The following IL1RL1 variants were observed in gnomAD, a reference collection of about 807,000 sequenced individuals.
IL1RL1 encodes the protein interleukin-1 receptor-like 1.
In IL1RL1, 32 loss-of-function variants were observed where a neutral mutation model predicts 50.9. That is an observed-to-expected ratio of 0.63 (90% CI 0.47 to 0.84). IL1RL1 has a LOEUF of 0.84. IL1RL1 is among the 40% of genes least tolerant of loss of function. The probability of loss-of-function intolerance (pLI) is 0.00; values close to 1 mark genes in which losing one functional copy is unlikely to be tolerated. For synonymous variants in IL1RL1, 275 were observed against 236.0 expected, an observed-to-expected ratio of 1.17 and a Z score of -1.51; for missense variants, 773 against 662.9, an observed-to-expected ratio of 1.17 and a Z score of -1.82.
Position 102,313,667 on chromosome 2 carries a change from C to T in IL1RL1, c.-150+2044C>T, listed in dbSNP as rs73944273. Among the ~76,000 whole-genome samples the T allele has an allele frequency of 7.6e-3, 1,156 of 152,314 alleles. 12 individuals are homozygous for T. The highest frequency in any genetic ancestry group is 0.025 in the African/African-American group (1,040 of 41,550). On this transcript the variant is annotated intron_variant, in intron 1 of 10. Coordinates refer to ENST00000233954, the MANE Select transcript of IL1RL1 (RefSeq NM_016232.5). ...GGTTTTCTGGGAGTGCAGAGGCAGA[C>T]AACTGCAAGGGAGAGCCCCGCAAGG... is the stretch of plus-strand genomic sequence containing the variant.
intron 5 of IL1RL1, among the ~76,000 whole-genome samples, chr2:102,341,997 G>T (rs760156490): frequency 6.6e-6 from 1 of 151,752 alleles, no homozygotes; most frequent in Non-Finnish European, 1.5e-5. Flanking sequence ...TGATATTAAA[G>T]AGCATCATAG....
At chr2:102,333,677 C>T (rs1677233338) in intron 1 of IL1RL1, among the ~76,000 whole-genome samples, 2 of 152,196 alleles carry the variant, frequency 1.3e-5, no homozygotes, top group South Asian at 4.1e-4. Flanking sequence ...CTGGTGGGGA[C>T]TGGTCTTACC....
At chr2:102,342,925 C>T (rs1573156478) in intron 6 of IL1RL1, 111 bp from the exon 7 acceptor site, 1 of 987,340 alleles carries the variant, frequency 1.0e-6, no homozygotes, top group Admixed American at 2.2e-5. Flanking sequence ...GAGGGAGGTC[C>T]TGGTGGGGTG....
chr2:102,346,443 A>T (rs565313565), intron 8 of IL1RL1, among the ~76,000 whole-genome samples: 4 of 152,342 alleles, frequency 2.6e-5, no homozygotes, highest in African/African-American at 9.6e-5. Context: ...TTTTGTCATC[A>T]CATACCTGAA....
rs1559609450 is a variant in IL1RL1, at chr2:102,351,845, G to A, written c.1595G>A (p.Arg532Lys). 6.2e-7 allele frequency: 1 copy of A among 1,613,954 alleles called. No homozygotes were observed. Among genetic ancestry groups the A allele is most frequent in the African/African-American group, 1.3e-5 (1 of 75,034 alleles). The stretch of plus-strand genomic sequence containing the variant: ...AATTCTAAATTCTGGAAGCACGTGA[G>A]GTACCAAATGCCTGTGCCAAGCAAA... Reference protein sequence around the residue: ...SLNSKFWKHVRYQMPVPSKIP... With the variant: ...SLNSKFWKHVKYQMPVPSKIP... The change falls in exon 11 of 11, where the codon AGG becomes AAG. Residue 532 changes from arginine (R) to lysine (K), a missense_variant. By Grantham distance (26) the Arg-to-Lys change is conservative. Coordinates refer to ENST00000233954, the MANE Select transcript of IL1RL1 (RefSeq NM_016232.5).
At position 102,351,648 on chromosome 2, in the gene IL1RL1, G is replaced by T; in HGVS notation, c.1398G>T (p.Leu466=). 1 of 1,614,130 alleles carries T rather than the reference G, an allele frequency of 6.2e-7. No individual in the cohort carries two copies. The highest frequency in any genetic ancestry group is 8.5e-7 in the Non-Finnish European group (1 of 1,180,028). ...KEFAYEQEVA[L]HCALIQNDAK... is the part of the protein sequence containing the mutation. ...TTGCCTACGAGCAGGAGGTTGCCCT[G>T]CACTGTGCCCTCATCCAGAACGACG... Residue 466 remains leucine, a synonymous_variant, in exon 11 of 11, where the codon CTG becomes CTT. Transcript: ENST00000233954.
rs149593692 is a variant in IL1RL1, at chr2:102,351,806, A to G, written c.1556A>G (p.Asn519Ser). Residue 519 changes from asparagine (N) to serine (S), a missense_variant, in exon 11 of 11, where the codon AAT becomes AGT. Asn to Ser is a conservative substitution (Grantham distance 46, BLOSUM62 1). Transcript: ENST00000233954. ...AAGTGGAGGGAGGACCACATTGCCA[A>G]TAAAAGGTCCCTGAATTCTAAATTC... ...TIKWREDHIA[N>S]KRSLNSKFWK... 6.2e-7 allele frequency: 1 copy of G among 1,613,976 alleles called. No individual in the cohort carries two copies. Among genetic ancestry groups the G allele is most frequent in the Non-Finnish European group, 8.5e-7 (1 of 1,180,002 alleles).
At chr2:102,323,850 C>G (rs1261300690) in intron 1 of IL1RL1, among the ~76,000 whole-genome samples, 1 of 152,182 alleles carries the variant, frequency 6.6e-6, no homozygotes, top group Non-Finnish European at 1.5e-5. Flanking sequence ...ACAAATCTCT[C>G]TCATACTCCT....
In IL1RL1 at chr2:102,340,839, G is replaced by T; in HGVS notation, c.610+11G>T. The T allele has an allele frequency of 1.3e-6, 2 of 1,553,620 alleles. No homozygotes were observed. The highest frequency in any genetic ancestry group is 2.4e-5 in the South Asian group (2 of 82,016). ...CCTTCACGGTCAAGGGTAAGCTACTGACATTAATGAGATAGAATACTACGT... is the reference window on the plus strand; with the variant it reads ...CCTTCACGGTCAAGGGTAAGCTACTTACATTAATGAGATAGAATACTACGT... On this transcript the variant is annotated intron_variant, in intron 5 of 10. Coordinates refer to ENST00000233954, the MANE Select transcript of IL1RL1 (RefSeq NM_016232.5).
chr2:102,343,548 G>A (rs1559605691), intron 8 of IL1RL1, 133 bp downstream of exon 8: 2 of 1,563,034 alleles, frequency 1.3e-6, no homozygotes, highest in South Asian at 2.4e-5. Flanking sequence ...CTCTTCTTCG[G>A]GATGTTGTTT....
In IL1RL1 at chr2:102,311,609, T is replaced by C. The variant is rs1471511046; in HGVS notation, c.-164T>C. The C allele has an allele frequency of 8.6e-5, 13 of 150,780 alleles. No individual in the cohort carries two copies. 9.3% of individuals were successfully genotyped at this position (150,780 alleles called of 1,614,324 possible). ...AAAGTTGAGGAAGAAAGAACTCAAG[T>C]ACAACCCAATGAGGGTAAGTGGCTT... On this transcript the variant is annotated 5_prime_UTR_variant, in exon 1 of 11. Coordinates refer to ENST00000233954, the MANE Select transcript of IL1RL1 (RefSeq NM_016232.5).
At chr2:102,345,382 G>A (rs1006294398) in intron 8 of IL1RL1, 21 of 985,120 alleles carry the variant, frequency 2.1e-5, no homozygotes, top group South Asian at 1.9e-4. Flanking sequence ...ATTGTATCCC[G>A]TATAAAAGGA....
chr2:102,317,825 G>A (rs890440720), intron 1 of IL1RL1, among the ~76,000 whole-genome samples: 2 of 152,020 alleles, frequency 1.3e-5, no homozygotes, highest in Admixed American at 1.3e-4. Context: ...TCAAAGGGTG[G>A]GAGAGGATAG....
At chr2:102,335,268 T>G (rs1023550203) in intron 1 of IL1RL1, among the ~76,000 whole-genome samples, 4 of 152,194 alleles carry the variant, frequency 2.6e-5, no homozygotes, top group African/African-American at 9.7e-5. Flanking sequence ...TTAGTTCTTT[T>G]CAAAGAAGAA....
chr2:102,327,997 G>A (rs1357089754), intron 1 of IL1RL1, among the ~76,000 whole-genome samples: 3 of 152,018 alleles, frequency 2.0e-5, no homozygotes, highest in African/African-American at 4.8e-5. Flanking sequence ...CCTCCCTAAC[G>A]CATTTTATGA....
intron 1 of IL1RL1, among the ~76,000 whole-genome samples, chr2:102,321,528 C>A (rs751673603): frequency 4.6e-5 from 7 of 152,162 alleles, no homozygotes; most frequent in Non-Finnish European, 1.0e-4. Flanking sequence ...GATGTTAGAA[C>A]ACTGACATCC....
intron 1 of IL1RL1, among the ~76,000 whole-genome samples, chr2:102,326,807 T>C (rs1311576628): frequency 1.3e-5 from 2 of 152,102 alleles, no homozygotes; most frequent in Non-Finnish European, 2.9e-5. Flanking sequence ...GAGCTAACTA[T>C]CCTAAATATA....
chr2:102,317,710 C>T (rs1476981817), intron 1 of IL1RL1, among the ~76,000 whole-genome samples: 1 of 152,092 alleles, frequency 6.6e-6, no homozygotes, highest in Admixed American at 6.5e-5. Context: ...AGTTGATCCT[C>T]ATATAAACTC....
chr2:102,313,788 C>A (rs959588478), intron 1 of IL1RL1, among the ~76,000 whole-genome samples: 1 of 152,164 alleles, frequency 6.6e-6, no homozygotes, highest in African/African-American at 2.4e-5. Flanking sequence ...ACAACAGTGG[C>A]GATGCCAACA....
Sources: gnomAD v4.1 joint callset for allele counts (sites outside exome capture counted in the v4.1 genomes callset) on GRCh38, gnomAD v4.1.1 for gene constraint, MANE v1.5 for transcripts, NCBI Gene and HGNC (gene_info 2026-07-23, HGNC 2026-07-21) for gene names.